PLD1: variants seen among roughly 807,000 people sequenced by gnomAD.
PLD1 encodes choline phosphatase 1.
Under a neutral mutation model 137.1 loss-of-function variants are expected in PLD1, and 112 were observed. The observed-to-expected ratio is 0.82, with a 90% CI of 0.70 to 0.96. PLD1 has a LOEUF of 0.96. Ranked by LOEUF, PLD1 falls within the 40% of genes least tolerant of loss-of-function variation. The probability of loss-of-function intolerance (pLI) is 0.00; values close to 1 mark genes in which losing one functional copy is unlikely to be tolerated. For missense variants in PLD1, 1,321 were observed against 1,342.0 expected, an observed-to-expected ratio of 0.98 and a Z score of 0.24; for synonymous variants, 431 against 454.7, an observed-to-expected ratio of 0.95 and a Z score of 0.66.
intron 8 of PLD1, among the ~76,000 whole-genome samples, chr3:171,720,582 C>CAA (rs759407637): frequency 0.026 from 3,007 of 115,146 alleles, 68 homozygotes; most frequent in African/African-American, 0.07. Flanking sequence ...GACTCCGTCT[C>CAA]AAAAAAAAAA....
intron 12 of PLD1, among the ~76,000 whole-genome samples, chr3:171,697,599 G>A (rs993852317): frequency 6.6e-6 from 1 of 152,008 alleles, no homozygotes; most frequent in Non-Finnish European, 1.5e-5. Flanking sequence ...TCCCCCATCC[G>A]GCTATGCTAA....
intron 25 of PLD1, among the ~76,000 whole-genome samples, chr3:171,607,823 G>T (rs1445205852): frequency 2.0e-5 from 3 of 152,134 alleles, no homozygotes; most frequent in African/African-American, 7.2e-5. Flanking sequence ...GACTTGAACT[G>T]TTCAGCTTAT....
In PLD1 at chr3:171,688,821, T is replaced by C; in HGVS notation, c.1394A>G (p.Glu465Gly). ...SSTVYLWAHH[E>G]KLVIIDQSVA... is the part of the protein sequence containing the mutation. ...CGATTGGTCAATGATGACAAGCTTC[T>C]CATGGTGAGCCCACAAATAGACGGT... Residue 465 changes from glutamate to glycine, a missense_variant, in exon 14 of 27, where the codon GAG becomes GGG. Physicochemically the swap from Glu to Gly is moderately conservative, Grantham distance 98. Transcript: ENST00000351298. 1.2e-6 allele frequency: 2 copies of C among 1,614,092 alleles called. No individual in the cohort carries two copies. Among genetic ancestry groups the C allele is most frequent in the South Asian group, 1.1e-5 (1 of 91,088 alleles).
intron 5 of PLD1, 44 bp from the exon 6 acceptor site, chr3:171,733,553 T>A: frequency 1.3e-6 from 1 of 761,914 alleles, no homozygotes; most frequent in African/African-American, 1.8e-5. Context: ...TGGTCATATT[T>A]ATTTTTAAAA....
chr3:171,772,042 A>G (rs1279146373), intron 1 of PLD1, among the ~76,000 whole-genome samples: 4 of 152,254 alleles, frequency 2.6e-5, no homozygotes, highest in Non-Finnish European at 5.9e-5. Context: ...TAAGATTTCA[A>G]AATAAGAAAT....
chr3:171,769,657 G>A (rs1457120410), intron 1 of PLD1, among the ~76,000 whole-genome samples: 10 of 152,150 alleles, frequency 6.6e-5, no homozygotes, highest in Admixed American at 3.3e-4. Context: ...TTGTAATCCC[G>A]AAATGGCATG....
chr3:171,798,521 G>A (rs964914538), intron 1 of PLD1, among the ~76,000 whole-genome samples: 3 of 152,222 alleles, frequency 2.0e-5, no homozygotes, highest in Non-Finnish European at 4.4e-5. Context: ...TCAGGTGACA[G>A]TGTCAATAAT....
At chr3:171,730,660 G>C (rs62281880) in intron 6 of PLD1, among the ~76,000 whole-genome samples, 1 of 66,044 alleles carries the variant, frequency 1.5e-5, no homozygotes, top group Non-Finnish European at 3.0e-5. Flanking sequence ...TTTTTTTTTG[G>C]CAGAGTCTTC....
intron 19 of PLD1, among the ~76,000 whole-genome samples, chr3:171,670,499 C>T (rs982897885): frequency 6.6e-6 from 1 of 152,164 alleles, no homozygotes. Context: ...CTACTTACAG[C>T]CTTAACTCCA....
At chr3:171,707,708 G>T (rs552627608) in intron 11 of PLD1, among the ~76,000 whole-genome samples, 11 of 152,254 alleles carry the variant, frequency 7.2e-5, no homozygotes, top group African/African-American at 2.6e-4. Flanking sequence ...AGATATTATG[G>T]TGGTCACAAC....
intron 11 of PLD1, among the ~76,000 whole-genome samples, chr3:171,706,660 C>A (rs1009446343): frequency 6.6e-6 from 1 of 152,158 alleles, no homozygotes; most frequent in African/African-American, 2.4e-5. Context: ...GATAACCCCA[C>A]TCTCTCAGAT....
intron 21 of PLD1, among the ~76,000 whole-genome samples, chr3:171,656,307 A>AC (rs1205994473): frequency 1.3e-5 from 2 of 152,102 alleles, no homozygotes; most frequent in East Asian, 3.9e-4. Context: ...AACAGCTGGG[A>AC]CTACAGTCAT....
chr3:171,682,254 T>C (rs1714090673), intron 16 of PLD1, among the ~76,000 whole-genome samples: 1 of 152,182 alleles, frequency 6.6e-6, no homozygotes, highest in Non-Finnish European at 1.5e-5. Flanking sequence ...AACATAATTC[T>C]GAATGAAAAA....
intron 1 of PLD1, among the ~76,000 whole-genome samples, chr3:171,800,459 T>C (rs1297349300): frequency 2.0e-5 from 3 of 152,196 alleles, no homozygotes. Context: ...TCCACCCACC[T>C]TGGCCTCCCA....
chr3:171,771,490 C>T (rs1281893474), intron 1 of PLD1: 2 of 152,242 alleles, frequency 1.3e-5, no homozygotes, highest in Non-Finnish European at 2.9e-5. Context: ...ATAAAACCCA[C>T]ATACAGAATG....
intron 11 of PLD1, among the ~76,000 whole-genome samples, chr3:171,702,642 T>A (rs1716347795): frequency 6.6e-6 from 1 of 152,118 alleles, no homozygotes. Flanking sequence ...AATATTTTCA[T>A]AATGAAAATA....
intron 9 of PLD1, among the ~76,000 whole-genome samples, chr3:171,711,274 G>A (rs903093025): frequency 7.4e-5 from 11 of 148,518 alleles, no homozygotes; most frequent in East Asian, 2.0e-4. Context: ...GGGTTCAAGC[G>A]ATTCTCCTGC....
At chr3:171,639,650 TA>T (rs1182789115) in intron 23 of PLD1, among the ~76,000 whole-genome samples, 7 of 115,446 alleles carry the variant, frequency 6.1e-5, no homozygotes, top group African/African-American at 2.5e-4. Context: ...ATATTATATA[TA>T]ATATATATTC....
At chr3:171,658,711 G>A (rs540820738) in intron 21 of PLD1, among the ~76,000 whole-genome samples, 1 of 152,186 alleles carries the variant, frequency 6.6e-6, no homozygotes, top group African/African-American at 2.4e-5. Context: ...TTCTAAAATT[G>A]ATTAGGTGGT....
Sources: gnomAD v4.1 joint callset for allele counts (sites outside exome capture counted in the v4.1 genomes callset) on GRCh38, gnomAD v4.1.1 for gene constraint, MANE v1.5 for transcripts, NCBI Gene and HGNC (gene_info 2026-07-23, HGNC 2026-07-21) for gene names.